Variants in FBXL17 observed in about 807,000 individuals in gnomAD.
FBXL17 encodes the protein F-box and leucine rich repeat protein 17, also known as F-box/LRR-repeat protein 17.
Under a neutral mutation model 66.2 loss-of-function variants are expected in FBXL17, and 22 were observed. The observed-to-expected ratio is 0.33, with a 90% confidence interval of 0.24 to 0.47. The LOEUF is 0.47. FBXL17 is among the 20% of genes least tolerant of loss of function. FBXL17 has a pLI of 1.00. For synonymous variants in FBXL17, 474 were observed against 400.5 expected, an observed-to-expected ratio of 1.18 and a Z score of -2.19; for missense variants, 878 against 948.2, an observed-to-expected ratio of 0.93 and a Z score of 0.97.
chr5:108,138,273 C>T (rs1751219901), intron 6 of FBXL17, among the ~76,000 whole-genome samples: 1 of 152,112 alleles, frequency 6.6e-6, no homozygotes, highest in East Asian at 1.9e-4. Context: ...TTTACTTCTC[C>T]CCATTTTCTC....
At chr5:108,264,327 C>T (rs1756961095) in intron 4 of FBXL17, among the ~76,000 whole-genome samples, 1 of 150,704 alleles carries the variant, frequency 6.6e-6, no homozygotes, top group Non-Finnish European at 1.5e-5. Flanking sequence ...ACCAGTGTAG[C>T]ATCTATAAGT....
At chr5:108,214,132 A>G (rs1424150257) in intron 5 of FBXL17, among the ~76,000 whole-genome samples, 2 of 152,086 alleles carry the variant, frequency 1.3e-5, no homozygotes, top group Non-Finnish European at 2.9e-5. Flanking sequence ...ATTATTAGTT[A>G]TTGTTATTAA....
chr5:108,327,044 T>C (rs1196448615), intron 4 of FBXL17, among the ~76,000 whole-genome samples: 4 of 152,216 alleles, frequency 2.6e-5, no homozygotes, highest in Admixed American at 6.5e-5. Context: ...CAGCTTTATA[T>C]GAAATACTTA....
rs77773303 is a variant in FBXL17, at chr5:108,018,579, C to T, written c.1822+2346G>A. ...CATTTCCCTCTCTTCCTCAATTGTG[C>T]GCCAACATTTTGGAGAACAGAATCA... On this transcript the variant is annotated intron_variant, in intron 7 of 8. Coordinates refer to ENST00000542267, the MANE Select transcript of FBXL17 (RefSeq NM_001163315.3). Among the ~76,000 whole-genome samples, 989 of 152,152 alleles carry T rather than the reference C, an allele frequency of 6.5e-3. 7 individuals are homozygous for T. Among genetic ancestry groups the T allele is most frequent in the African/African-American group, 0.023 (957 of 41,530 alleles).
At chr5:107,955,990 G>A (rs1751651279) in intron 7 of FBXL17, among the ~76,000 whole-genome samples, 1 of 152,094 alleles carries the variant, frequency 6.6e-6, no homozygotes, top group Non-Finnish European at 1.5e-5. Context: ...TTCATCTGAA[G>A]AAAGCAAAAC....
intron 6 of FBXL17, among the ~76,000 whole-genome samples, chr5:108,107,251 T>C (rs1331414672): frequency 6.6e-6 from 1 of 152,150 alleles, no homozygotes; most frequent in Non-Finnish European, 1.5e-5. Context: ...TTTGTATTTT[T>C]AGTAGAGACA....
chr5:108,363,659 A>T (rs566530381), intron 3 of FBXL17, among the ~76,000 whole-genome samples: 7 of 151,936 alleles, frequency 4.6e-5, no homozygotes, highest in Non-Finnish European at 1.0e-4. Flanking sequence ...CTCTACTTCA[A>T]CCATGACTAC....
chr5:108,219,559 C>T lies in FBXL17; in HGVS notation c.1614+4562G>A, dbSNP rs188583071. On this transcript the variant is annotated intron_variant, in intron 5 of 8. Transcript: ENST00000542267. ...AAAATTAGCCGGGCGTGGTGGTGGG[C>T]GCCTGTAGTCCCAGATATTTGGGAG... 3.0e-3 allele frequency among the ~76,000 whole-genome samples: 463 copies of T among 151,982 alleles called. 4 individuals are homozygous for T. The highest frequency in any genetic ancestry group is 0.011 in the African/African-American group (449 of 41,450).
chr5:108,010,658 G>T (rs1171036271), intron 7 of FBXL17, among the ~76,000 whole-genome samples: 2 of 152,082 alleles, frequency 1.3e-5, no homozygotes, highest in African/African-American at 4.8e-5. Context: ...CTACCATAAC[G>T]TGCATAAGAA....
chr5:108,336,897 G>A (rs1760409426), intron 4 of FBXL17, among the ~76,000 whole-genome samples: 1 of 152,016 alleles, frequency 6.6e-6, no homozygotes, highest in Non-Finnish European at 1.5e-5. Flanking sequence ...AGTATAAATG[G>A]TTATGTTTAA....
At chr5:108,310,217 C>A (rs73781319) in intron 4 of FBXL17, among the ~76,000 whole-genome samples, 2 of 152,024 alleles carry the variant, frequency 1.3e-5, no homozygotes, top group Non-Finnish European at 2.9e-5. Context: ...CATGTAAGAC[C>A]TCCAAGTGGA....
chr5:108,052,045 G>A (rs1219335616), intron 6 of FBXL17, among the ~76,000 whole-genome samples: 11 of 149,620 alleles, frequency 7.4e-5, no homozygotes, highest in African/African-American at 1.7e-4. Flanking sequence ...CCTGGGAGGC[G>A]GAGCTTGCAC....
intron 5 of FBXL17, among the ~76,000 whole-genome samples, chr5:108,196,012 C>T (rs138175742): frequency 1.3e-5 from 2 of 152,126 alleles, no homozygotes; most frequent in East Asian, 3.9e-4. Context: ...GCCAGCAGCA[C>T]ATAAATGACA....
At chr5:108,306,530 T>C (rs73781316) in intron 4 of FBXL17, among the ~76,000 whole-genome samples, 2,744 of 152,224 alleles carry the variant, frequency 0.018, 85 homozygotes, top group African/African-American at 0.062. Context: ...CTTACAGAGA[T>C]AGTGTGAGAA....
intron 6 of FBXL17, among the ~76,000 whole-genome samples, chr5:108,133,969 G>A (rs1339405597): frequency 6.6e-6 from 1 of 152,038 alleles, no homozygotes; most frequent in Non-Finnish European, 1.5e-5. Context: ...TAAATAATTT[G>A]TAATGTTCTA....
Position 107,861,737 on chromosome 5 carries a change from A to G in FBXL17, c.2089T>C (p.Ser697Pro), listed in dbSNP as rs1262107992. 1 of 1,578,956 alleles carries G rather than the reference A, an allele frequency of 6.3e-7. No individual in the cohort carries two copies. Among genetic ancestry groups the G allele is most frequent in the South Asian group, 1.2e-5 (1 of 85,916 alleles). ...CAGGAGCGCTAGGAGGAGGCGGCAG[A>G]CATGTTGGGGGTCCAGCCCATCTGA... ...AYQMGWTPNM[S>P]AASS is the part of the protein sequence containing the mutation. The change falls in exon 9 of 9, where the codon TCT (serine) becomes CCT (proline). Residue 697 changes from serine (S) to proline (P), a missense_variant. Transcript: ENST00000542267.
chr5:108,065,807 G>C (rs1368630851), intron 6 of FBXL17, among the ~76,000 whole-genome samples: 1 of 152,104 alleles, frequency 6.6e-6, no homozygotes, highest in African/African-American at 2.4e-5. Flanking sequence ...TAACTCTGAA[G>C]CAAGAGTTGA....
chr5:108,029,436 T>C (rs893245108), intron 6 of FBXL17, among the ~76,000 whole-genome samples: 4 of 152,136 alleles, frequency 2.6e-5, no homozygotes, highest in African/African-American at 9.6e-5. Flanking sequence ...GGATCATCAC[T>C]GAATATATAA....
chr5:107,959,713 C>A (rs1035080321), intron 7 of FBXL17, among the ~76,000 whole-genome samples: 4 of 152,060 alleles, frequency 2.6e-5, no homozygotes, highest in Non-Finnish European at 5.9e-5. Flanking sequence ...AAAAACATTA[C>A]AGTTTTCAGG....
Sources: allele counts gnomAD v4.1 joint callset (sites outside exome capture counted in the v4.1 genomes callset), GRCh38; gene constraint gnomAD v4.1.1; transcripts MANE v1.5; gene names NCBI Gene and HGNC (gene_info 2026-07-23, HGNC 2026-07-21).